MTUS1: variants seen among roughly 807,000 people sequenced by gnomAD.
MTUS1 encodes microtubule-associated tumor suppressor 1.
MTUS1 carries 109 observed loss-of-function variants against 120.8 expected under a neutral mutation model. That is an observed-to-expected ratio of 0.90 (90% CI 0.77 to 1.06). The LOEUF is 1.06. Ranked by LOEUF, MTUS1 falls within the 50% of genes least tolerant of loss-of-function variation. MTUS1 has a pLI of 0.00. For missense variants in MTUS1, 2,210 were observed against 1,486.3 expected, an observed-to-expected ratio of 1.49 and a Z score of -8.01; for synonymous variants, 737 against 550.5, an observed-to-expected ratio of 1.34 and a Z score of -4.74.
rs752406294 is a variant in MTUS1, at chr8:17,753,730, C to T, written c.2078G>A (p.Gly693Asp). The T allele has an allele frequency of 2.2e-5, 35 of 1,599,628 alleles. 1 individual carries two copies. Residue 693 changes from glycine to aspartate, a missense_variant, in exon 2 of 15, where the codon GGT (glycine) becomes GAT (aspartate). Physicochemically the swap from Gly to Asp is moderately conservative, Grantham distance 94. Coordinates refer to ENST00000693296, the MANE Select transcript of MTUS1 (RefSeq NM_001363059.2). ...QEIMNETFEY[G>D]SLFLGSASKT... ...TATATTACTTACCAAAAACAGAGAACCATATTCAAAAGTCTCATTCATAAT... is the reference window on the plus strand; with the variant it reads ...TATATTACTTACCAAAAACAGAGAATCATATTCAAAAGTCTCATTCATAAT...
chr8:17,782,004 C>G (rs1278810858), intron 1 of MTUS1, among the ~76,000 whole-genome samples: 1 of 152,248 alleles, frequency 6.6e-6, no homozygotes, highest in Non-Finnish European at 1.5e-5. Context: ...GCCCTCTAAC[C>G]TGATGGCCCT....
intron 6 of MTUS1, among the ~76,000 whole-genome samples, chr8:17,698,331 A>G (rs1209321041): frequency 6.6e-6 from 1 of 152,196 alleles, no homozygotes; most frequent in African/African-American, 2.4e-5. Flanking sequence ...CCAGTTATCT[A>G]CTAATTTTTA....
At chr8:17,647,632 A>G (rs1563553526) in intron 13 of MTUS1, among the ~76,000 whole-genome samples, 1 of 152,130 alleles carries the variant, frequency 6.6e-6, no homozygotes, top group Non-Finnish European at 1.5e-5. Flanking sequence ...CATGCCATCA[A>G]AGAAGTAACA....
intron 1 of MTUS1, among the ~76,000 whole-genome samples, chr8:17,788,651 A>G (rs971420897): frequency 2.0e-5 from 3 of 152,158 alleles, no homozygotes; most frequent in Admixed American, 6.5e-5. Context: ...AATCTCAACT[A>G]TATTTCTCAA....
At chr8:17,785,329 G>A (rs578055945) in intron 1 of MTUS1, among the ~76,000 whole-genome samples, 1 of 152,186 alleles carries the variant, frequency 6.6e-6, no homozygotes, top group South Asian at 2.1e-4. Context: ...TACAGATATG[G>A]AGAAAACAGT....
chr8:17,798,369 G>T (rs2052415474), intron 1 of MTUS1, among the ~76,000 whole-genome samples: 2 of 151,924 alleles, frequency 1.3e-5, no homozygotes, highest in African/African-American at 4.8e-5. Context: ...GTTTTGCCCT[G>T]TTGCCCAGGC....
intron 8 of MTUS1, among the ~76,000 whole-genome samples, chr8:17,657,279 G>C (rs956223617): frequency 1.3e-5 from 2 of 151,790 alleles, no homozygotes; most frequent in African/African-American, 4.8e-5. Context: ...AGTATTTTAA[G>C]AAGCTGAGAC....
intron 2 of MTUS1, among the ~76,000 whole-genome samples, chr8:17,746,229 T>C (rs556030039): frequency 9.8e-5 from 15 of 152,294 alleles, no homozygotes; most frequent in Admixed American, 5.9e-4. Flanking sequence ...TTGGCTGCTG[T>C]TTCAATTGCC....
chr8:17,774,966 A>C (rs1160400367), intron 1 of MTUS1, among the ~76,000 whole-genome samples: 1 of 116,726 alleles, frequency 8.6e-6, no homozygotes, highest in Non-Finnish European at 1.8e-5. Flanking sequence ...TGAAAATATT[A>C]TAAGTAAAAA....
intron 8 of MTUS1, among the ~76,000 whole-genome samples, chr8:17,665,734 T>C (rs1453869993): frequency 1.3e-5 from 2 of 152,172 alleles, no homozygotes; most frequent in African/African-American, 4.8e-5. Context: ...TTTCCCAGCC[T>C]GAGATGTAGA....
intron 8 of MTUS1, among the ~76,000 whole-genome samples, chr8:17,656,549 C>CCCA (rs1554460168): frequency 8.2e-6 from 1 of 121,978 alleles, no homozygotes; most frequent in African/African-American, 2.9e-5. Flanking sequence ...AACAAAACCC[C>CCCA]CCCCCACCCC....
At chr8:17,683,197 G>A (rs370038573) in intron 7 of MTUS1, among the ~76,000 whole-genome samples, 25 of 152,142 alleles carry the variant, frequency 1.6e-4, no homozygotes, top group African/African-American at 5.1e-4. Flanking sequence ...GCATGAACCC[G>A]GGAGATAGAG....
rs151305832 is a variant in MTUS1 at position 17,697,045 on chromosome 8, C to T, written c.2624-12503G>A. Among the ~76,000 whole-genome samples, 533 of 152,330 alleles carry T rather than the reference C, an allele frequency of 3.5e-3. 3 individuals carry two copies. Among genetic ancestry groups the T allele is most frequent in the African/African-American group, 0.012 (480 of 41,584 alleles). ...AGGCAACAATTCTGCCTTCCATCAA[C>T]ACAAACAACACAATCTGCTGCCAAA... is the stretch of plus-strand genomic sequence containing the variant. On this transcript the variant is annotated intron_variant, in intron 6 of 14. Transcript: ENST00000693296.
chr8:17,705,680 C>T (rs1359131700), intron 6 of MTUS1: 2 of 152,280 alleles, frequency 1.3e-5, no homozygotes, highest in African/African-American at 4.8e-5. Context: ...ATCACCTCAT[C>T]AGCAGGTTTG....
Position 17,753,861 on chromosome 8 carries a change from T to C in MTUS1, c.1947A>G (p.Glu649=). 1 of 1,614,198 alleles carries C rather than the reference T, an allele frequency of 6.2e-7. No homozygotes were observed. The highest frequency in any genetic ancestry group is 8.5e-7 in the Non-Finnish European group (1 of 1,180,014). ...GILPVKMESA[E]CLEMTYVPNI... ...TGGGAACATAGGTCATTTCCAAACATTCTGCACTTTCCATTTTAACAGGGA... is the reference window on the plus strand; with the variant it reads ...TGGGAACATAGGTCATTTCCAAACACTCTGCACTTTCCATTTTAACAGGGA... Residue 649 remains glutamate, a synonymous_variant, in exon 2 of 15, where the codon GAA becomes GAG. Transcript: ENST00000693296.
In MTUS1 at chr8:17,701,100, T is replaced by C. The variant is rs140013989; in HGVS notation, c.2623+12114A>G. ...TAAAGAATGAGGAAGAAGATTAAAA[T>C]TTAAACCAAGTGACTTGTGTGGAGA... On this transcript the variant is annotated intron_variant, in intron 6 of 14. Coordinates refer to ENST00000693296, the MANE Select transcript of MTUS1 (RefSeq NM_001363059.2). 6.1e-3 allele frequency among the ~76,000 whole-genome samples: 936 copies of C among 152,296 alleles called. 12 individuals carry two copies. The highest frequency in any genetic ancestry group is 0.021 in the African/African-American group (886 of 41,568).
intron 1 of MTUS1, among the ~76,000 whole-genome samples, chr8:17,760,053 TTTC>T (rs1291930221): frequency 6.2e-5 from 8 of 129,252 alleles, no homozygotes; most frequent in Admixed American, 8.0e-5. Context: ...TACGATTTCT[TTTC>T]TTTTTTTTTT....
intron 1 of MTUS1, among the ~76,000 whole-genome samples, chr8:17,794,614 C>T (rs56094940): frequency 1.3e-5 from 2 of 152,166 alleles, no homozygotes; most frequent in Non-Finnish European, 2.9e-5. Flanking sequence ...TTCTGCAATC[C>T]TCACTTCAAT....
At chr8:17,746,122 T>TA (rs2047723338) in intron 2 of MTUS1, among the ~76,000 whole-genome samples, 1 of 152,220 alleles carries the variant, frequency 6.6e-6, no homozygotes, top group Admixed American at 6.5e-5. Context: ...TAGTTCTTTA[T>TA]ATAGCAATGT....
Sources: allele counts gnomAD v4.1 joint callset (sites outside exome capture counted in the v4.1 genomes callset), GRCh38; gene constraint gnomAD v4.1.1; transcripts MANE v1.5; gene names NCBI Gene and HGNC (gene_info 2026-07-23, HGNC 2026-07-21).